ZC3H12B: variants seen among roughly 807,000 people sequenced by gnomAD.
The protein encoded by ZC3H12B is probable ribonuclease ZC3H12B.
A neutral mutation model predicts 43.9 loss-of-function variants in ZC3H12B; 7 were observed. The observed-to-expected ratio is 0.16, with a 90% CI of 0.09 to 0.30. ZC3H12B has a LOEUF of 0.30. Ranked by LOEUF, ZC3H12B falls within the 10% of genes least tolerant of loss-of-function variation. The probability of loss-of-function intolerance (pLI) is 1.00; values close to 1 mark genes in which losing one functional copy is unlikely to be tolerated. For synonymous variants in ZC3H12B, 222 were observed against 241.7 expected (o/e 0.92, Z 0.76); for missense variants, 475 against 670.2 (o/e 0.71, Z 3.22).
At chrX:65,300,881 CAGAGT>C in the ZC3H12B span, among the ~76,000 whole-genome samples, 1 of 110,547 alleles carries the variant, frequency 9.0e-6, no homozygotes, top group African/African-American at 3.3e-5. Context: ...AAAGAATCAA[CAGAGT>C]AAACAGACAA....
At chrX:65,354,054 G>T in the ZC3H12B span, among the ~76,000 whole-genome samples, 6 of 111,676 alleles carry the variant, frequency 5.4e-5, no homozygotes, top group African/African-American at 2.0e-4. Flanking sequence ...AAACTTAAAC[G>T]TTCCTACCTG....
intron 3 of ZC3H12B, among the ~76,000 whole-genome samples, chrX:65,452,878 A>ACACACACACACC (rs2067538427): frequency 9.5e-6 from 1 of 105,584 alleles, no homozygotes; most frequent in African/African-American, 3.6e-5. Flanking sequence ...ACACACACAC[A>ACACACACACACC]CCATGTTCAT....
chrX:65,153,275 C>CT, the ZC3H12B span, among the ~76,000 whole-genome samples: 2 of 111,923 alleles, frequency 1.8e-5, no homozygotes, highest in Admixed American at 1.9e-4. Flanking sequence ...GCAAAAGAAA[C>CT]TATCATCAGA....
chrX:65,216,393 A>T, the ZC3H12B span, among the ~76,000 whole-genome samples: 1 of 111,204 alleles, frequency 9.0e-6, no homozygotes, highest in African/African-American at 3.3e-5. Flanking sequence ...ACTGGGCAGA[A>T]CTTTGCTGGT....
the ZC3H12B span, among the ~76,000 whole-genome samples, chrX:65,193,755 G>C: frequency 9.0e-6 from 1 of 111,553 alleles, no homozygotes; most frequent in Non-Finnish European, 1.9e-5. Context: ...TTTTGGTGTA[G>C]GAATTTTTAC....
the ZC3H12B span, among the ~76,000 whole-genome samples, chrX:65,177,111 A>G: frequency 7.3e-3 from 817 of 112,414 alleles, 1 homozygote; most frequent in Middle Eastern, 0.028. Flanking sequence ...CTGGGACACA[A>G]GGATGGTTCA....
intron 3 of ZC3H12B, among the ~76,000 whole-genome samples, chrX:65,461,361 C>A (rs370594596): frequency 1.5e-4 from 17 of 112,091 alleles, no homozygotes; most frequent in African/African-American, 5.5e-4. Context: ...GGGTATATAA[C>A]CAAAGGATTA....
chrX:65,183,703 G>A, the ZC3H12B span, among the ~76,000 whole-genome samples: 1 of 111,650 alleles, frequency 9.0e-6, no homozygotes, highest in South Asian at 3.7e-4. Flanking sequence ...ATAGTTACAG[G>A]TTTGGTTGTT....
the ZC3H12B span, among the ~76,000 whole-genome samples, chrX:65,309,452 G>A: frequency 3.6e-3 from 403 of 112,054 alleles, no homozygotes; most frequent in Non-Finnish European, 6.4e-3. Flanking sequence ...CCAGGAAGAA[G>A]TTGAATCTCT....
the ZC3H12B span, among the ~76,000 whole-genome samples, chrX:65,148,951 TTTTTA>T: frequency 2.7e-5 from 3 of 111,837 alleles, no homozygotes; most frequent in Non-Finnish European, 5.6e-5. Context: ...TCTCTCTCTT[TTTTTA>T]TTTTGTCTCC....
the ZC3H12B span, among the ~76,000 whole-genome samples, chrX:65,153,003 A>G: frequency 1.2e-4 from 13 of 112,087 alleles, no homozygotes; most frequent in African/African-American, 1.9e-4. Context: ...TATTTAATAA[A>G]TGGTGCTGTG....
the ZC3H12B span, among the ~76,000 whole-genome samples, chrX:65,150,715 A>G: frequency 1.8e-5 from 2 of 111,339 alleles, no homozygotes; most frequent in Non-Finnish European, 3.8e-5. Flanking sequence ...GTTTTGTAAA[A>G]CCACACAGGC....
the ZC3H12B span, among the ~76,000 whole-genome samples, chrX:65,269,227 C>T: frequency 4.5e-5 from 5 of 109,915 alleles, no homozygotes; most frequent in African/African-American, 1.7e-4. Flanking sequence ...CGCCTGTAGT[C>T]CCAGTGACTC....
At chrX:65,057,158 G>A in the ZC3H12B span, among the ~76,000 whole-genome samples, 1 of 111,897 alleles carries the variant, frequency 8.9e-6, no homozygotes, top group Non-Finnish European at 1.9e-5. Context: ...TTCATTAGTT[G>A]ATGCAGTTTC....
At chrX:65,086,956 T>C in the ZC3H12B span, among the ~76,000 whole-genome samples, 1 of 110,264 alleles carries the variant, frequency 9.1e-6, no homozygotes, top group African/African-American at 3.3e-5. Context: ...TTACTCTGCT[T>C]GGGCTCTAAT....
chrX:65,292,453 G>A, the ZC3H12B span, among the ~76,000 whole-genome samples: 1 of 110,347 alleles, frequency 9.1e-6, no homozygotes. Flanking sequence ...ATAGAGGGAA[G>A]CAACATACAC....
the ZC3H12B span, among the ~76,000 whole-genome samples, chrX:65,201,541 C>A: frequency 9.1e-6 from 1 of 110,159 alleles, no homozygotes; most frequent in Non-Finnish European, 1.9e-5. Context: ...GTGCCTCTAT[C>A]TTTTTCAGTT....
At chrX:65,248,655 C>T in the ZC3H12B span, among the ~76,000 whole-genome samples, 3 of 111,720 alleles carry the variant, frequency 2.7e-5, no homozygotes, top group Non-Finnish European at 3.8e-5. Context: ...GGAATCTTCA[C>T]GCTGTTTTCC....
At chrX:65,166,271 A>G in the ZC3H12B span, among the ~76,000 whole-genome samples, 3 of 110,517 alleles carry the variant, frequency 2.7e-5, no homozygotes, top group East Asian at 8.6e-4. Context: ...GTTAATTCCA[A>G]CCTATGAGTG....
Sources: gnomAD v4.1 joint callset for allele counts (sites outside exome capture counted in the v4.1 genomes callset) on GRCh38, gnomAD v4.1.1 for gene constraint, MANE v1.5 for transcripts, NCBI Gene and HGNC (gene_info 2026-07-23, HGNC 2026-07-21) for gene names.